The following NEGR1 variants were observed in gnomAD, a reference collection of about 807,000 sequenced individuals.
NEGR1 encodes the protein neuronal growth regulator 1.
A neutral mutation model predicts 40.9 loss-of-function variants in NEGR1; 10 were observed. That is an observed-to-expected ratio of 0.24 (90% confidence interval 0.15 to 0.42). The LOEUF (loss-of-function observed/expected upper bound fraction) is 0.42, where lower values mean the gene tolerates loss of function less well. Ranked by LOEUF, NEGR1 falls within the 10% of genes least tolerant of loss-of-function variation. The pLI is 1.00. For missense variants in NEGR1, 352 were observed against 438.9 expected (o/e 0.80, Z 1.77); for synonymous variants, 185 against 166.8 (o/e 1.11, Z -0.84).
chr1:71,811,609 ATTAC>A (rs1330498115), intron 2 of NEGR1, among the ~76,000 whole-genome samples: 1 of 150,814 alleles, frequency 6.6e-6, no homozygotes, highest in Non-Finnish European at 1.5e-5. Context: ...AAGTAATTAT[ATTAC>A]TTACTTATAA....
At chr1:71,429,871 A>T (rs541528448) in intron 6 of NEGR1, among the ~76,000 whole-genome samples, 30 of 152,342 alleles carry the variant, frequency 2.0e-4, no homozygotes, top group Admixed American at 8.5e-4. Flanking sequence ...TGGATTACCC[A>T]TACTTACTTA....
At chr1:71,464,122 T>A (rs1421914463) in intron 6 of NEGR1, among the ~76,000 whole-genome samples, 1 of 152,086 alleles carries the variant, frequency 6.6e-6, no homozygotes, top group Admixed American at 6.6e-5. Context: ...AGTTTTAGTC[T>A]TCTGTCAACA....
intron 4 of NEGR1, among the ~76,000 whole-genome samples, chr1:71,622,545 T>C (rs1163703567): frequency 3.9e-5 from 6 of 152,086 alleles, no homozygotes; most frequent in African/African-American, 1.4e-4. Context: ...TTGTAATTTA[T>C]TAATGAAAAT....
At chr1:71,689,167 C>T (rs534238092) in intron 4 of NEGR1, among the ~76,000 whole-genome samples, 8 of 152,234 alleles carry the variant, frequency 5.3e-5, no homozygotes, top group South Asian at 2.1e-4. Flanking sequence ...CGTAATAGAA[C>T]GAAATTATCA....
rs902399681 is a variant in NEGR1, at chr1:71,585,760, T to G, written c.940+7057A>C. Reference sequence around the variant, plus strand: ...GTGCATGGCTGATTTAATTAATAATTGTAATAAAAAGGACAATATCATAAT... The same window carrying G: ...GTGCATGGCTGATTTAATTAATAATGGTAATAAAAAGGACAATATCATAAT... On this transcript the variant is annotated intron_variant, in intron 6 of 6. Coordinates refer to ENST00000357731, the MANE Select transcript of NEGR1 (RefSeq NM_173808.3). Among the ~76,000 whole-genome samples, 9 of 151,368 alleles carry G rather than the reference T, an allele frequency of 5.9e-5. No homozygotes were observed. In the East Asian group the frequency reaches 7.7e-4, roughly 13 times the overall value.
At chr1:71,729,274 C>CA (rs1056482329) in intron 3 of NEGR1, among the ~76,000 whole-genome samples, 1 of 152,092 alleles carries the variant, frequency 6.6e-6, no homozygotes, top group Non-Finnish European at 1.5e-5. Context: ...AGGCTCCTCT[C>CA]ACAAAAGTAT....
intron 3 of NEGR1, among the ~76,000 whole-genome samples, chr1:71,709,618 A>G (rs1654014366): frequency 6.6e-6 from 1 of 152,210 alleles, no homozygotes; most frequent in African/African-American, 2.4e-5. Flanking sequence ...AGTGGGGAAA[A>G]GGCAGTCTCT....
intron 1 of NEGR1, among the ~76,000 whole-genome samples, chr1:72,097,200 A>G (rs1351689788): frequency 6.6e-6 from 1 of 152,174 alleles, no homozygotes; most frequent in Non-Finnish European, 1.5e-5. Flanking sequence ...TGCCACCACC[A>G]TCTACTAGCT....
intron 2 of NEGR1, among the ~76,000 whole-genome samples, chr1:71,902,062 CAT>C (rs967544872): frequency 3.3e-5 from 5 of 152,098 alleles, no homozygotes; most frequent in Non-Finnish European, 5.9e-5. Flanking sequence ...TCTACAAAAT[CAT>C]AAATATTCAC....
chr1:72,104,732 TAAATTGTCCGATTTAGTTTTATA>T (rs1649070389), intron 1 of NEGR1, among the ~76,000 whole-genome samples: 1 of 152,178 alleles, frequency 6.6e-6, no homozygotes, highest in Non-Finnish European at 1.5e-5. Context: ...ATTTGTTTTT[TAAATTGTCCGATTTAGTTTTATA>T]AAACAACAAT....
intron 1 of NEGR1, among the ~76,000 whole-genome samples, chr1:72,207,593 C>A (rs545400803): frequency 6.6e-6 from 1 of 151,606 alleles, no homozygotes; most frequent in South Asian, 2.1e-4. Flanking sequence ...CCTATGTATA[C>A]TATTTTACAC....
chr1:71,960,258 G>A (rs1326908322), intron 1 of NEGR1, among the ~76,000 whole-genome samples: 1 of 151,992 alleles, frequency 6.6e-6, no homozygotes, highest in African/African-American at 2.4e-5. Flanking sequence ...TTATCTCACT[G>A]ACATTTATTG....
At chr1:71,581,290 T>C (rs1166271294) in intron 6 of NEGR1, among the ~76,000 whole-genome samples, 2 of 152,170 alleles carry the variant, frequency 1.3e-5, no homozygotes, top group Non-Finnish European at 2.9e-5. Context: ...TAGTTCATTG[T>C]CGAGACTTAA....
At chr1:71,609,850 T>C (rs1274640720) in intron 5 of NEGR1, among the ~76,000 whole-genome samples, 1 of 152,188 alleles carries the variant, frequency 6.6e-6, no homozygotes, top group Non-Finnish European at 1.5e-5. Context: ...TCCCCATATG[T>C]TGGGGGAAAG....
At chr1:71,499,831 A>G (rs949111823) in intron 6 of NEGR1, among the ~76,000 whole-genome samples, 5 of 152,044 alleles carry the variant, frequency 3.3e-5, no homozygotes, top group African/African-American at 1.2e-4. Flanking sequence ...ACCACATTTT[A>G]TTGAAACCCC....
chr1:71,997,837 T>G (rs1018320000), intron 1 of NEGR1, among the ~76,000 whole-genome samples: 12 of 152,008 alleles, frequency 7.9e-5, no homozygotes, highest in African/African-American at 2.7e-4. Flanking sequence ...AGCTATAAAA[T>G]TACATTTAGT....
intron 4 of NEGR1, among the ~76,000 whole-genome samples, chr1:71,694,515 C>G (rs1653407983): frequency 6.6e-6 from 1 of 151,580 alleles, no homozygotes; most frequent in African/African-American, 2.4e-5. Context: ...ATTTATTCAA[C>G]CAACCAACTA....
At position 71,402,800 on chromosome 1, in the gene NEGR1, T is replaced by A. The variant is rs1450943318; in HGVS notation, c.*4646A>T. The A allele has an allele frequency of 1.3e-5, 2 of 152,126 alleles. No homozygotes were observed. Among genetic ancestry groups the A allele is most frequent in the Non-Finnish European group, 2.9e-5 (2 of 67,976 alleles). The allele number at this position is 152,126 out of a possible 1,614,324, so 9.4% of individuals were successfully genotyped here. ...ATATGATTTTGAAGCATCTATGTTT[T>A]GCCCTATTCTTTTGAGAGGGAAACT... On this transcript the variant is annotated 3_prime_UTR_variant, in exon 7 of 7. Coordinates refer to ENST00000357731, the MANE Select transcript of NEGR1 (RefSeq NM_173808.3).
Position 72,021,931 on chromosome 1 carries a change from T to C in NEGR1, c.177-86620A>G, listed in dbSNP as rs547891965. ...CGGGCGGATCATGAGGTCAGGAGAT[T>C]GAGACCATCCTGGCTAACATGGTGA... On this transcript the variant is annotated intron_variant, in intron 1 of 6. Transcript: ENST00000357731. 1.4e-3 allele frequency among the ~76,000 whole-genome samples: 206 copies of C among 151,798 alleles called. 1 individual carries two copies. The highest frequency in any genetic ancestry group is 4.4e-3 in the African/African-American group (184 of 41,370).
Sources: allele counts gnomAD v4.1 joint callset (sites outside exome capture counted in the v4.1 genomes callset), GRCh38; gene constraint gnomAD v4.1.1; transcripts MANE v1.5; gene names NCBI Gene and HGNC (gene_info 2026-07-23, HGNC 2026-07-21).